The following MYO3A variants were observed in gnomAD, a reference collection of about 807,000 sequenced individuals.
MYO3A encodes the protein myosin IIIA, also known as myosin-IIIa.
In MYO3A, 180 loss-of-function variants were observed where a neutral mutation model predicts 192.7. The ratio of observed to expected loss-of-function variants is 0.93; its 90% CI spans 0.83 to 1.06. The LOEUF (loss-of-function observed/expected upper bound fraction) is 1.06. MYO3A is among the 50% of genes least tolerant of loss of function. The probability of loss-of-function intolerance (pLI) is 0.00; values close to 1 mark genes in which losing one functional copy is unlikely to be tolerated. For synonymous variants in MYO3A, 628 were observed against 645.3 expected (o/e 0.97, Z 0.41); for missense variants, 1,896 against 1,905.0 (o/e 1.00, Z 0.09).
chr10:26,185,484 C>T (rs778677790), intron 31 of MYO3A, among the ~76,000 whole-genome samples: 2 of 151,522 alleles, frequency 1.3e-5, no homozygotes, highest in African/African-American at 2.4e-5. Context: ...GGATTACAGG[C>T]GTGTGCCACC....
chr10:25,973,926 A>T (rs1210786047), intron 4 of MYO3A, among the ~76,000 whole-genome samples: 1 of 152,218 alleles, frequency 6.6e-6, no homozygotes, highest in Non-Finnish European at 1.5e-5. Flanking sequence ...CTTACACCTT[A>T]TACAGAAATT....
intron 14 of MYO3A, among the ~76,000 whole-genome samples, chr10:26,072,470 A>G (rs1835266770): frequency 6.6e-6 from 1 of 152,220 alleles, no homozygotes; most frequent in Non-Finnish European, 1.5e-5. Flanking sequence ...TTTACATAAC[A>G]GGGAAGACAT....
At chr10:26,118,163 T>G (rs1436355825) in intron 17 of MYO3A, among the ~76,000 whole-genome samples, 1 of 152,136 alleles carries the variant, frequency 6.6e-6, no homozygotes, top group Non-Finnish European at 1.5e-5. Context: ...TCTGTTTATA[T>G]CCTTTGCCCA....
chr10:26,056,019 T>G (rs11014930), intron 10 of MYO3A, among the ~76,000 whole-genome samples: 21,183 of 152,208 alleles, frequency 0.14, 1,768 homozygotes, highest in East Asian at 0.35. Context: ...TACTTAGATA[T>G]GGCAGGTATG....
intron 2 of MYO3A, among the ~76,000 whole-genome samples, chr10:25,941,799 A>G (rs769166995): frequency 6.6e-6 from 1 of 151,958 alleles, no homozygotes; most frequent in Non-Finnish European, 1.5e-5. Context: ...CCACAATTCT[A>G]CTTTTTGTCT....
rs146065381 is a variant in MYO3A at position 26,039,062 on chromosome 10, C to T, written c.953+12530C>T. On this transcript the variant is annotated intron_variant, in intron 10 of 34. Coordinates refer to ENST00000642920, the MANE Select transcript of MYO3A (RefSeq NM_017433.5). ...GTTTGTTTGTTTGTTTGTTTTGAGA[C>T]GGAGTTTCGCTCTTGTTGCCCAGGC... Among the ~76,000 whole-genome samples the T allele has an allele frequency of 2.6e-3, 401 of 151,456 alleles. 2 individuals are homozygous for T. Among genetic ancestry groups the T allele is most frequent in the African/African-American group, 8.5e-3 (349 of 41,274 alleles).
At chr10:25,953,103 C>G (rs1480336825) in intron 3 of MYO3A, among the ~76,000 whole-genome samples, 1 of 151,860 alleles carries the variant, frequency 6.6e-6, no homozygotes, top group Non-Finnish European at 1.5e-5. Flanking sequence ...AAAGCAACTG[C>G]TCCAATTAAC....
Position 26,166,138 on chromosome 10 carries a change from A to G in MYO3A, c.3071A>G (p.Glu1024Gly). 1 of 1,614,088 alleles carries G rather than the reference A, an allele frequency of 6.2e-7. No individual in the cohort carries two copies. Among genetic ancestry groups the G allele is most frequent in the Non-Finnish European group, 8.5e-7 (1 of 1,180,028 alleles). The part of the protein sequence containing the change: ...MSPDTCATIL[E>G]KAGLDNWALG... ...CCTGACACCTGTGCCACCATTTTGG[A>G]AAAAGCTGGTCTCGATAACTGGGCT... Residue 1024 changes from glutamate to glycine, a missense_variant, in exon 27 of 35, where the codon GAA becomes GGA. Transcript: ENST00000642920.
intron 14 of MYO3A, among the ~76,000 whole-genome samples, chr10:26,076,528 G>C (rs879669923): frequency 2.6e-5 from 4 of 151,922 alleles, no homozygotes; most frequent in Non-Finnish European, 2.9e-5. Flanking sequence ...ATTTATCTTT[G>C]CTTTGGTTGC....
intron 22 of MYO3A, among the ~76,000 whole-genome samples, 156 bp from the exon 23 acceptor site, chr10:26,147,263 GAGCTACCTTAA>G (rs1840524485): frequency 6.6e-6 from 1 of 151,922 alleles, no homozygotes; most frequent in Non-Finnish European, 1.5e-5. Flanking sequence ...AGATGATAAG[GAGCTACCTTAA>G]GATGATAAGG....
chr10:26,177,845 T>C (rs1425062474), intron 31 of MYO3A, among the ~76,000 whole-genome samples: 3 of 152,236 alleles, frequency 2.0e-5, no homozygotes, highest in Admixed American at 6.5e-5. Context: ...GGCAGAAATA[T>C]ACTAAGATGC....
chr10:26,208,235 T>A (rs1324627322), intron 34 of MYO3A, among the ~76,000 whole-genome samples: 1 of 151,716 alleles, frequency 6.6e-6, no homozygotes, highest in Non-Finnish European at 1.5e-5. Flanking sequence ...AGATGTGGGG[T>A]GTTTAGGGCA....
intron 2 of MYO3A, among the ~76,000 whole-genome samples, chr10:25,938,521 A>G (rs1051538529): frequency 6.6e-6 from 1 of 152,196 alleles, no homozygotes; most frequent in Admixed American, 6.5e-5. Flanking sequence ...TCTATAGCTG[A>G]CCAGCTGAAA....
chr10:26,031,130 T>C (rs1021850817), intron 10 of MYO3A, among the ~76,000 whole-genome samples: 1 of 152,226 alleles, frequency 6.6e-6, no homozygotes, highest in African/African-American at 2.4e-5. Flanking sequence ...ATAAAAGTCA[T>C]TTGTAACTGA....
Position 26,123,724 on chromosome 10 carries a change from A to C in MYO3A, c.1904-1674A>C, listed in dbSNP as rs563640279. Among the ~76,000 whole-genome samples, 76 of 152,310 alleles carry C rather than the reference A, an allele frequency of 5.0e-4. 1 individual carries two copies. The highest frequency in any genetic ancestry group is 1.6e-3 in the African/African-American group (65 of 41,576). On this transcript the variant is annotated intron_variant, in intron 18 of 34. Coordinates refer to ENST00000642920, the MANE Select transcript of MYO3A (RefSeq NM_017433.5). ...GGCAGATCACGAGGTCAGCAGATCG[A>C]GACCATCCTGGCTAACACAGTGAAA...
At chr10:26,067,937 G>C (rs1406550587) in intron 11 of MYO3A, among the ~76,000 whole-genome samples, 2 of 152,034 alleles carry the variant, frequency 1.3e-5, no homozygotes, top group Non-Finnish European at 2.9e-5. Flanking sequence ...GGTAAATTTA[G>C]GGTTGCATAA....
At chr10:26,063,504 CT>C (rs969501134) in intron 10 of MYO3A, among the ~76,000 whole-genome samples, 4 of 151,932 alleles carry the variant, frequency 2.6e-5, no homozygotes, top group South Asian at 4.2e-4. Flanking sequence ...TCTTGAGTCA[CT>C]TTTTTTTGCA....
At chr10:26,157,117 A>T (rs1482154871) in intron 25 of MYO3A, among the ~76,000 whole-genome samples, 193 bp from the exon 26 acceptor site, 1 of 152,210 alleles carries the variant, frequency 6.6e-6, no homozygotes, top group African/African-American at 2.4e-5. Context: ...TTTATAAGTA[A>T]ATCTGTATTT....
chr10:26,187,476 T>C (rs1414653748), intron 31 of MYO3A, among the ~76,000 whole-genome samples: 1 of 145,300 alleles, frequency 6.9e-6, no homozygotes, highest in Non-Finnish European at 1.5e-5. Flanking sequence ...GTCTTCTATT[T>C]GTGTGTGTCT....
Sources: allele counts gnomAD v4.1 joint callset (sites outside exome capture counted in the v4.1 genomes callset), GRCh38; gene constraint gnomAD v4.1.1; transcripts MANE v1.5; gene names NCBI Gene and HGNC (gene_info 2026-07-23, HGNC 2026-07-21).